ZNF410: variants seen among roughly 807,000 people sequenced by gnomAD.
The protein encoded by ZNF410 is zinc finger protein 410.
Under a neutral mutation model 54.8 loss-of-function variants are expected in ZNF410, and 18 were observed. That is an observed-to-expected ratio of 0.33 (90% CI 0.23 to 0.49). The LOEUF is 0.49. Among genes scored for constraint, ZNF410 ranks in the 20% least tolerant of loss-of-function variants. The pLI is 0.99. For synonymous variants in ZNF410, 191 were observed against 207.3 expected (o/e 0.92, Z 0.68); for missense variants, 405 against 569.6 (o/e 0.71, Z 2.94).
At chr14:73,909,985 TAA>T (rs1474432778) in intron 8 of ZNF410, among the ~76,000 whole-genome samples, 1 of 152,182 alleles carries the variant, frequency 6.6e-6, no homozygotes, top group Non-Finnish European at 1.5e-5. Flanking sequence ...AGCCTTAAAT[TAA>T]TTCCCTGCAA....
chr14:73,897,429 TAGAG>T (rs773384932), intron 4 of ZNF410, among the ~76,000 whole-genome samples: 124 of 152,228 alleles, frequency 8.1e-4, no homozygotes, highest in African/African-American at 1.3e-3. Context: ...TGCTGGCCGA[TAGAG>T]AGGAACTAGT....
At chr14:73,929,423 G>A (rs372179585) in intron 11 of ZNF410, among the ~76,000 whole-genome samples, 3 of 151,984 alleles carry the variant, frequency 2.0e-5, no homozygotes, top group African/African-American at 2.4e-5. Context: ...ACACATGTCC[G>A]TTTCACCTTT....
intron 3 of ZNF410, chr14:73,895,087 CTGCAG>C (rs1482379506): frequency 6.6e-6 from 1 of 152,238 alleles, no homozygotes; most frequent in Non-Finnish European, 1.5e-5. Flanking sequence ...GAGTTTGAGG[CTGCAG>C]TAAGCTGTGA....
At chr14:73,892,753 A>G (rs1177495328) in intron 2 of ZNF410, among the ~76,000 whole-genome samples, 4 of 152,150 alleles carry the variant, frequency 2.6e-5, no homozygotes, top group African/African-American at 9.7e-5. Context: ...TAGACAAGTC[A>G]CTTAATGTCT....
Position 73,898,481 on chromosome 14 carries a change from A to G in ZNF410, c.580+219A>G, listed in dbSNP as rs1265417327. ...GTATTCTGAATTCTCAACTTTAAAT[A>G]ATGTACAGAGCCCCTTTTAAAGAAA... On this transcript the variant is annotated intron_variant, in intron 5 of 11. Coordinates refer to ENST00000555044, the MANE Select transcript of ZNF410 (RefSeq NM_021188.3). The G allele has an allele frequency of 6.7e-6, 4 of 595,500 alleles. No individual in the cohort carries two copies. In the Admixed American group the frequency reaches 9.2e-5, roughly 14 times the overall value. 36.9% of individuals were successfully genotyped at this position (595,500 alleles called of 1,614,324 possible).
At chr14:73,892,639 T>C (rs984243108) in intron 2 of ZNF410, among the ~76,000 whole-genome samples, 3 of 152,186 alleles carry the variant, frequency 2.0e-5, no homozygotes, top group Non-Finnish European at 2.9e-5. Context: ...TTCACTTTTC[T>C]TACTTTAAAT....
rs756698259 is a variant in ZNF410 at position 73,892,158 on chromosome 14, G to A, written c.-18G>A. 4 of 1,613,890 alleles carry A rather than the reference G, an allele frequency of 2.5e-6. No individual in the cohort carries two copies. The highest frequency in any genetic ancestry group is 3.4e-6 in the Non-Finnish European group (4 of 1,179,934). ...GAACTTGTCCCCTGAATAGCTACAG[G>A]TTTTGGAAGCTGAATCAATGTTATC... On this transcript the variant is annotated 5_prime_UTR_variant, in exon 2 of 12. Transcript: ENST00000555044.
At chr14:73,926,142 T>C (rs1159430701) in intron 11 of ZNF410, among the ~76,000 whole-genome samples, 1 of 152,232 alleles carries the variant, frequency 6.6e-6, no homozygotes, top group Admixed American at 6.5e-5. Flanking sequence ...TGTAGGCATG[T>C]CATTTCTTCT....
Position 73,904,002 on chromosome 14 carries a change from A to T in ZNF410, c.623A>T (p.Asp208Val). 6.2e-7 allele frequency: 1 copy of T among 1,614,204 alleles called. No homozygotes were observed. The change falls in exon 6 of 12, where the codon GAT becomes GTT. Residue 208 changes from aspartate to valine, a missense_variant. Physicochemically the swap from Asp to Val is radical, Grantham distance 152. Around this residue, in one of 3 missense-constraint regions of ZNF410, gnomAD observed 247 missense variants for 342.8 expected, o/e 0.72. Coordinates refer to ENST00000555044, the MANE Select transcript of ZNF410 (RefSeq NM_021188.3). Reference protein sequence around the residue: ...HLGSGDGQSKDSGPLPQVEKK... With the variant: ...HLGSGDGQSKVSGPLPQVEKK... ...GGTTCTGGTGATGGGCAGTCAAAAG[A>T]TTCTGGGCCCCTTCCTCAAGTGGAA... is the stretch of plus-strand genomic sequence containing the variant.
rs188155681 is a variant in ZNF410 at position 73,904,563 on chromosome 14, A to G, written c.732-339A>G. ...ACTGCAGCCTCGAACTCCTGTGCTCAAGTCATCTTCCTACCTCAGCCTCAC... is the reference window on the plus strand; with the variant it reads ...ACTGCAGCCTCGAACTCCTGTGCTCGAGTCATCTTCCTACCTCAGCCTCAC... On this transcript the variant is annotated intron_variant, in intron 6 of 11. Transcript: ENST00000555044. 1.4e-4 allele frequency among the ~76,000 whole-genome samples: 22 copies of G among 152,252 alleles called. No homozygotes were observed. In the South Asian group the frequency reaches 2.5e-3, roughly 17 times the overall value.
In ZNF410 at chr14:73,891,895, AGT is replaced by A. The variant is rs980336280; in HGVS notation, c.-149-129_-149-128del. 3 of 597,820 alleles carry A rather than the reference AGT, an allele frequency of 5.0e-6. No individual in the cohort carries two copies. In the African/African-American group the frequency reaches 5.7e-5, roughly 11 times the overall value. 37.0% of individuals were successfully genotyped at this position (597,820 alleles called of 1,614,324 possible). A position where few individuals can be genotyped will look rare whatever the true frequency, so the allele number is the denominator to read the frequency against. On this transcript the variant is annotated intron_variant, in intron 1 of 11. Coordinates refer to ENST00000555044, the MANE Select transcript of ZNF410 (RefSeq NM_021188.3). ...GTTGAGCTTGTTGTATTTTAAAAGA[AGT>A]GTTTCGGTTTGAATTCTTTATTTGC...
intron 7 of ZNF410, among the ~76,000 whole-genome samples, chr14:73,908,020 A>G (rs1021365692): frequency 6.6e-6 from 1 of 152,200 alleles, no homozygotes; most frequent in African/African-American, 2.4e-5. Flanking sequence ...TTGAAATTGT[A>G]TTATCTCCAT....
chr14:73,891,726 T>C (rs2055233147), intron 1 of ZNF410: 1 of 353,498 alleles, frequency 2.8e-6, no homozygotes, highest in Admixed American at 5.1e-5. Context: ...TGTGTGTGTG[T>C]ATACATTGCT....
At chr14:73,903,135 TTG>T (rs1466537015) in intron 5 of ZNF410, among the ~76,000 whole-genome samples, 1 of 152,180 alleles carries the variant, frequency 6.6e-6, no homozygotes, top group African/African-American at 2.4e-5. Flanking sequence ...GATTTTTTGT[TTG>T]TTTGTTTTTG....
Position 73,892,142 on chromosome 14 carries a change from C to G in ZNF410, c.-34C>G, listed in dbSNP as rs371715301. ...GCTCTGAATTAAATTTGAACTTGTC[C>G]CCTGAATAGCTACAGGTTTTGGAAG... On this transcript the variant is annotated 5_prime_UTR_variant, in exon 2 of 12. Coordinates refer to ENST00000555044, the MANE Select transcript of ZNF410 (RefSeq NM_021188.3). 1.9e-6 allele frequency: 3 copies of G among 1,612,542 alleles called. No homozygotes were observed. The highest frequency in any genetic ancestry group is 2.7e-5 in the African/African-American group (2 of 74,796).
chr14:73,928,357 A>G (rs943383451), intron 11 of ZNF410, among the ~76,000 whole-genome samples: 1 of 152,088 alleles, frequency 6.6e-6, no homozygotes, highest in Non-Finnish European at 1.5e-5. Flanking sequence ...GTTGAGTGTG[A>G]TGGGACATGG....
chr14:73,909,194 C>G (rs2055537940), intron 7 of ZNF410, 147 bp from the exon 8 acceptor site: 1 of 650,704 alleles, frequency 1.5e-6, no homozygotes, highest in African/African-American at 1.8e-5. Context: ...GCAACACTTG[C>G]TAGGTAGCCC....
chr14:73,893,718 A>G (rs2140295224), intron 2 of ZNF410, 79 bp from the exon 3 acceptor site: 2 of 1,496,516 alleles, frequency 1.3e-6, no homozygotes, highest in Non-Finnish European at 8.9e-7. Flanking sequence ...CAGTCTTAAT[A>G]TTATCTTTTG....
intron 8 of ZNF410, among the ~76,000 whole-genome samples, chr14:73,918,686 CTTTTTTTTTTTTTTTTT>C (rs71115932): frequency 1.6e-4 from 12 of 74,644 alleles, no homozygotes; most frequent in Admixed American, 7.1e-4. Flanking sequence ...TTCATATGGC[CTTTTTTTTTTTTTTTTT>C]TTTTTTTTTT....
Sources: gnomAD v4.1 joint callset for allele counts (sites outside exome capture counted in the v4.1 genomes callset) on GRCh38, gnomAD v4.1.1 for gene constraint, gnomAD v4.1.1 regional missense constraint, MANE v1.5 for transcripts, NCBI Gene and HGNC (gene_info 2026-07-23, HGNC 2026-07-21) for gene names.